The following NLRP1 variants were observed in gnomAD, a reference collection of about 807,000 sequenced individuals.
NLRP1 encodes the protein NLR family pyrin domain containing 1.
In NLRP1, 94 loss-of-function variants were observed where a neutral mutation model predicts 136.7. The observed-to-expected ratio is 0.69, with a 90% CI of 0.58 to 0.82. NLRP1 has a LOEUF of 0.82. Ranked by LOEUF, NLRP1 falls within the 40% of genes least tolerant of loss-of-function variation. NLRP1 has a pLI of 0.00. For missense variants in NLRP1, 1,575 were observed against 1,802.7 expected (o/e 0.87, Z 2.29); for synonymous variants, 690 against 725.1 (o/e 0.95, Z 0.78).
intron 14 of NLRP1, among the ~76,000 whole-genome samples, chr17:5,519,899 T>G (rs987912938): frequency 5.6e-5 from 7 of 124,928 alleles, no homozygotes; most frequent in African/African-American, 2.1e-4. Context: ...CTCTATCACC[T>G]AGGCTGGAGT....
At chr17:5,513,052 G>A (rs1907746161), downstream of NLRP1, among the ~76,000 whole-genome samples, 1 of 152,208 alleles carries the variant, frequency 6.6e-6, no homozygotes. Flanking sequence ...AGGCGTGTCA[G>A]ATTGCCACCA....
At chr17:5,560,307 A>G (rs1333793318) in intron 3 of NLRP1, among the ~76,000 whole-genome samples, 2 of 152,192 alleles carry the variant, frequency 1.3e-5, no homozygotes, top group African/African-American at 4.8e-5. Flanking sequence ...AGGTGCTGCT[A>G]TAGGGGTTGG....
Position 5,533,022 on chromosome 17 carries a change from C to T in NLRP1, c.3134-38G>A, listed in dbSNP as rs201447782. The T allele has an allele frequency of 3.1e-5, 49 of 1,580,434 alleles. No homozygotes were observed. In the Middle Eastern group the frequency reaches 6.8e-4, roughly 22 times the overall value. ...GGCAGCGGTCAGCTCCAGATTCTCC[C>T]GCCTGGCCTCCCCTAGCCCCTATGG... On this transcript the variant is annotated intron_variant, in intron 10 of 16. Coordinates refer to ENST00000572272, the MANE Select transcript of NLRP1 (RefSeq NM_033004.4).
chr17:5,521,938 C>A, intron 12 of NLRP1, 152 bp from the exon 13 acceptor site: 2 of 723,196 alleles, frequency 2.8e-6, no homozygotes, highest in Non-Finnish European at 4.3e-6. Context: ...GATTCTCCTG[C>A]CTCAGCCTCC....
intron 5 of NLRP1, among the ~76,000 whole-genome samples, chr17:5,545,092 C>G (rs906101509): frequency 6.6e-6 from 1 of 152,174 alleles, no homozygotes; most frequent in Non-Finnish European, 1.5e-5. Context: ...CTTTGTTTTT[C>G]TCTGGCTTCC....
chr17:5,559,082 T>C lies in NLRP1; in HGVS notation c.1614A>G (p.Glu538=). Residue 538 remains glutamate (E), a synonymous_variant, in exon 4 of 17, where the codon GAA becomes GAG. Transcript: ENST00000572272. Reference sequence around the variant, plus strand: ...TGGTCTTGGAAGTCAGTGTGAGTTTTTCCTTCCGCTTCATCTGCTGCATCA... The same window carrying C: ...TGGTCTTGGAAGTCAGTGTGAGTTTCTCCTTCCGCTTCATCTGCTGCATCA... ...TCLMQQMKRK[E]KLTLTSKTTT... is the part of the protein sequence containing the mutation. The C allele has an allele frequency of 1.2e-6, 2 of 1,614,176 alleles. No homozygotes were observed.
At chr17:5,562,526 G>C (rs1914875608) in intron 3 of NLRP1, among the ~76,000 whole-genome samples, 1 of 152,196 alleles carries the variant, frequency 6.6e-6, no homozygotes, top group South Asian at 2.1e-4. Flanking sequence ...CTAAGGCCCA[G>C]GAGTGGACTA....
downstream of NLRP1, among the ~76,000 whole-genome samples, chr17:5,509,157 C>T (rs146181309): frequency 2.5e-3 from 381 of 152,344 alleles, 1 homozygote; most frequent in African/African-American, 8.9e-3. Context: ...TGCTAGACTT[C>T]CCTTCAAGTT....
In NLRP1 at chr17:5,514,548, A is replaced by T; in HGVS notation, c.*206T>A. Reference sequence around the variant, plus strand: ...GCCAGCTCCAGATGGACATTCCCTGAGATGCTGTTAGGCCACCTGGACTGG... The same window carrying T: ...GCCAGCTCCAGATGGACATTCCCTGTGATGCTGTTAGGCCACCTGGACTGG... On this transcript the variant is annotated 3_prime_UTR_variant, in exon 17 of 17. Coordinates refer to ENST00000572272, the MANE Select transcript of NLRP1 (RefSeq NM_033004.4). The T allele has an allele frequency of 7.0e-7, 1 of 1,424,658 alleles. No individual in the cohort carries two copies. The highest frequency in any genetic ancestry group is 9.1e-7 in the Non-Finnish European group (1 of 1,093,484). 88.3% of individuals were successfully genotyped at this position (1,424,658 alleles called of 1,614,324 possible). A position where few individuals can be genotyped will look rare whatever the true frequency, so the allele number is the denominator to read the frequency against.
At position 5,520,936 on chromosome 17, in the gene NLRP1, C is replaced by G; in HGVS notation, c.3860G>C (p.Gly1287Ala). 3.1e-6 allele frequency: 5 copies of G among 1,612,098 alleles called. No individual in the cohort carries two copies. Among genetic ancestry groups the G allele is most frequent in the Non-Finnish European group, 4.2e-6 (5 of 1,179,014 alleles). ...KPPPLTPLYM[G>A]CRYTVSGSGS... ...AGACCCAGACACAGTGTAACGACAG[C>G]CCATATAAAGTGGGGTCAGCGGGGG... Residue 1287 changes from glycine (G) to alanine (A), a missense_variant, in exon 14 of 17, where the codon GGC becomes GCC. Gly to Ala is a moderately conservative substitution (Grantham distance 60, BLOSUM62 0). Coordinates refer to ENST00000572272, the MANE Select transcript of NLRP1 (RefSeq NM_033004.4).
intron 12 of NLRP1, among the ~76,000 whole-genome samples, chr17:5,523,138 G>A (rs1909103117): frequency 6.6e-6 from 1 of 152,062 alleles, no homozygotes; most frequent in Non-Finnish European, 1.5e-5. Context: ...AGTCCAGTGA[G>A]AGGCAGGTGT....
chr17:5,566,505 T>C (rs1444108555), intron 3 of NLRP1, among the ~76,000 whole-genome samples: 6 of 152,164 alleles, frequency 3.9e-5, no homozygotes, highest in Non-Finnish European at 8.8e-5. Context: ...TCTAATTTTA[T>C]TGCATTGTGG....
At chr17:5,573,317 G>A (rs1281505227) in intron 3 of NLRP1, among the ~76,000 whole-genome samples, 1 of 152,184 alleles carries the variant, frequency 6.6e-6, no homozygotes, top group East Asian at 1.9e-4. Flanking sequence ...AAAGCAGCTG[G>A]GAAGCTTGAA....
At chr17:5,540,724 CCT>C (rs750116180) in intron 6 of NLRP1, among the ~76,000 whole-genome samples, 1 of 152,192 alleles carries the variant, frequency 6.6e-6, no homozygotes, top group African/African-American at 2.4e-5. Context: ...ATCGCCGACC[CCT>C]GATACTAGGA....
chr17:5,532,825 T>A lies in NLRP1; in HGVS notation c.3293A>T (p.Tyr1098Phe). The A allele has an allele frequency of 6.2e-7, 1 of 1,601,454 alleles. No homozygotes were observed. The highest frequency in any genetic ancestry group is 8.5e-7 in the Non-Finnish European group (1 of 1,175,040). ...TEVVDKEKNLYRVHFPVAGSY... is the reference protein window; with the variant it reads ...TEVVDKEKNLFRVHFPVAGSY... ...CCAGCAGAGCCCCCTCACTCACCGG[T>A]ACAAGTTCTTTTCTTTGTCAACTAC... is the stretch of plus-strand genomic sequence containing the variant. Residue 1098 changes from tyrosine to phenylalanine, a missense_variant, in exon 11 of 17, where the codon TAC becomes TTC. Transcript: ENST00000572272.
chr17:5,532,064 G>A (rs531223673), intron 11 of NLRP1, among the ~76,000 whole-genome samples: 1 of 152,296 alleles, frequency 6.6e-6, no homozygotes, highest in South Asian at 2.1e-4. Context: ...CCAATATGGT[G>A]AAACCCCCAT....
intron 5 of NLRP1, among the ~76,000 whole-genome samples, chr17:5,546,689 A>G (rs1912705695): frequency 6.6e-6 from 1 of 152,214 alleles, no homozygotes; most frequent in African/African-American, 2.4e-5. Context: ...TTGTGGGTGA[A>G]ATATTAAAAA....
chr17:5,508,199 G>A (rs190136317), intron 15 of NLRP1, among the ~76,000 whole-genome samples: 18 of 152,204 alleles, frequency 1.2e-4, no homozygotes, highest in Admixed American at 9.8e-4. Flanking sequence ...TGAGATGGCT[G>A]AGGCAGGAGA....
intron 5 of NLRP1, among the ~76,000 whole-genome samples, chr17:5,547,842 T>C (rs4790777): frequency 0.28 from 43,263 of 152,166 alleles, 7,898 homozygotes; most frequent in Non-Finnish European, 0.4. Flanking sequence ...TGTAACTCCT[T>C]TTTAATGAAC....
Sources: allele counts gnomAD v4.1 joint callset (sites outside exome capture counted in the v4.1 genomes callset), GRCh38; gene constraint gnomAD v4.1.1; transcripts MANE v1.5; gene names NCBI Gene and HGNC (gene_info 2026-07-23, HGNC 2026-07-21).